Variants in GSTCD observed in about 807,000 individuals in gnomAD.
GSTCD encodes the protein glutathione S-transferase C-terminal domain containing.
A neutral mutation model predicts 68.3 loss-of-function variants in GSTCD; 44 were observed. The observed-to-expected ratio is 0.64, with a 90% confidence interval of 0.51 to 0.83. GSTCD has a LOEUF of 0.83. Ranked by LOEUF, GSTCD falls within the 40% of genes least tolerant of loss-of-function variation. GSTCD has a pLI of 0.00. For synonymous variants in GSTCD, 273 were observed against 255.2 expected, an observed-to-expected ratio of 1.07 and a Z score of -0.67; for missense variants, 739 against 735.9, an observed-to-expected ratio of 1.00 and a Z score of -0.05.
At chr4:105,725,025 G>T (rs78593046) in intron 3 of GSTCD, among the ~76,000 whole-genome samples, 3,485 of 151,996 alleles carry the variant, frequency 0.023, 44 homozygotes, top group Middle Eastern at 0.051. Flanking sequence ...TTATAGAGGA[G>T]TTCTTAGAGA....
chr4:105,802,975 C>T (rs1162355868), intron 5 of GSTCD, among the ~76,000 whole-genome samples: 5 of 152,090 alleles, frequency 3.3e-5, no homozygotes, highest in East Asian at 1.9e-4. Flanking sequence ...AAGCAACTTA[C>T]ATTTACTGAA....
chr4:105,715,842 C>T (rs983048235), intron 1 of GSTCD, among the ~76,000 whole-genome samples: 9 of 151,770 alleles, frequency 5.9e-5, no homozygotes, highest in South Asian at 4.1e-4. Context: ...GTTTCTGGTA[C>T]GTATTTCCAT....
chr4:105,719,345 G>A lies in GSTCD; in HGVS notation c.712G>A (p.Glu238Lys), dbSNP rs202238798. 2.6e-4 allele frequency: 413 copies of A among 1,614,010 alleles called. No individual in the cohort carries two copies. Among genetic ancestry groups the A allele is most frequent in the Non-Finnish European group, 3.2e-4 (373 of 1,180,002 alleles). ...EGLDSSSKSL[E>K]LKVAFSKLTV... ...GTTGGATTCTTCATCCAAGAGTCTG[G>A]AACTGAAAGTGGCATTCTCAAAGCT... is the stretch of plus-strand genomic sequence containing the variant. The change falls in exon 3 of 12, where the codon GAA (glutamate) becomes AAA (lysine). Residue 238 changes from glutamate to lysine, a missense_variant. By Grantham distance (56) the Glu-to-Lys change is moderately conservative (BLOSUM62 1). Coordinates refer to ENST00000515279, the MANE Select transcript of GSTCD (RefSeq NM_001370181.1).
intron 5 of GSTCD, among the ~76,000 whole-genome samples, chr4:105,818,657 A>G (rs950934606): frequency 2.6e-5 from 4 of 151,810 alleles, no homozygotes; most frequent in Middle Eastern, 3.2e-3. Flanking sequence ...GACTTTAGTA[A>G]TATACTGAGG....
intron 5 of GSTCD, among the ~76,000 whole-genome samples, chr4:105,797,401 T>C: frequency 6.6e-6 from 1 of 152,224 alleles, no homozygotes. Flanking sequence ...ACATGCATTT[T>C]TTGGTTTGCC....
chr4:105,735,504 G>A (rs571582944), intron 5 of GSTCD, among the ~76,000 whole-genome samples: 48 of 152,322 alleles, frequency 3.2e-4, no homozygotes, highest in African/African-American at 9.6e-4. Context: ...CTGGTGTGCC[G>A]TTTGCTAAGA....
chr4:105,836,527 T>A (rs538978007), intron 9 of GSTCD, among the ~76,000 whole-genome samples: 1 of 152,232 alleles, frequency 6.6e-6, no homozygotes, highest in African/African-American at 2.4e-5. Context: ...GCACCCAGGC[T>A]GTTTGTGCCA....
At chr4:105,762,733 C>T (rs934226380) in intron 5 of GSTCD, among the ~76,000 whole-genome samples, 1 of 152,172 alleles carries the variant, frequency 6.6e-6, no homozygotes, top group Non-Finnish European at 1.5e-5. Flanking sequence ...TTGATTCATG[C>T]TTTTCTTTCA....
chr4:105,838,343 C>T (rs770822917), intron 10 of GSTCD, among the ~76,000 whole-genome samples: 47 of 152,138 alleles, frequency 3.1e-4, no homozygotes, highest in African/African-American at 1.0e-3. Context: ...ACTCTGTAAA[C>T]GTGCTTGAAA....
At chr4:105,727,589 A>G (rs967723263) in intron 4 of GSTCD, among the ~76,000 whole-genome samples, 1 of 151,362 alleles carries the variant, frequency 6.6e-6, no homozygotes, top group Non-Finnish European at 1.5e-5. Flanking sequence ...TTTTGTTTAA[A>G]TTTGTAATTT....
At chr4:105,780,991 A>T (rs1462096630) in intron 5 of GSTCD, among the ~76,000 whole-genome samples, 1 of 152,164 alleles carries the variant, frequency 6.6e-6, no homozygotes, top group Non-Finnish European at 1.5e-5. Context: ...TATCCTAGCT[A>T]CTTAATCTCA....
At chr4:105,837,490 G>A (rs1487481013) in intron 9 of GSTCD, among the ~76,000 whole-genome samples, 3 of 152,152 alleles carry the variant, frequency 2.0e-5, no homozygotes, top group Non-Finnish European at 4.4e-5. Flanking sequence ...TTGGGGAACT[G>A]TGAGTAATAA....
intron 9 of GSTCD, among the ~76,000 whole-genome samples, chr4:105,837,325 G>C (rs1724163701): frequency 6.6e-6 from 1 of 152,088 alleles, no homozygotes; most frequent in Non-Finnish European, 1.5e-5. Context: ...TATCAAACAA[G>C]TAGGAACGGC....
chr4:105,768,498 A>G (rs746680699), intron 5 of GSTCD, among the ~76,000 whole-genome samples: 1 of 152,168 alleles, frequency 6.6e-6, no homozygotes, highest in African/African-American at 2.4e-5. Flanking sequence ...ATTTTCTTAC[A>G]TATTCACTAA....
At chr4:105,745,823 A>G (rs1733783110) in intron 5 of GSTCD, among the ~76,000 whole-genome samples, 1 of 152,224 alleles carries the variant, frequency 6.6e-6, no homozygotes, top group Admixed American at 6.5e-5. Context: ...AGACAAAAAG[A>G]TAGGTGCTTA....
At chr4:105,819,261 T>C (rs1306202133) in intron 5 of GSTCD, among the ~76,000 whole-genome samples, 1 of 151,826 alleles carries the variant, frequency 6.6e-6, no homozygotes, top group Non-Finnish European at 1.5e-5. Context: ...ATATGTCATA[T>C]TGTTCTTGGT....
In GSTCD at chr4:105,719,256, T is replaced by C. The variant is rs771464345; in HGVS notation, c.623T>C (p.Val208Ala). The C allele has an allele frequency of 2.5e-6, 4 of 1,613,894 alleles. No homozygotes were observed. The Admixed American group carries it at 6.7e-5, about 27-fold the overall frequency. ...CTCAAGCAACAGAAGGCTGATGGAG[T>C]TGGGCCTCCCCTTACTAAGGGAAAG... ...QKLKQQKADG[V>A]GPPLTKGKAK... Residue 208 changes from valine (V) to alanine (A), a missense_variant, in exon 3 of 12, where the codon GTT becomes GCT. Coordinates refer to ENST00000515279, the MANE Select transcript of GSTCD (RefSeq NM_001370181.1).
At chr4:105,836,477 G>T (rs1724124444) in intron 9 of GSTCD, among the ~76,000 whole-genome samples, 1 of 152,154 alleles carries the variant, frequency 6.6e-6, no homozygotes, top group African/African-American at 2.4e-5. Flanking sequence ...GAGCCTGTCT[G>T]CCTCCTGTTG....
chr4:105,783,632 C>T (rs1735361504), intron 5 of GSTCD, among the ~76,000 whole-genome samples: 1 of 152,002 alleles, frequency 6.6e-6, no homozygotes, highest in Admixed American at 6.6e-5. Flanking sequence ...GAGTTGTAGG[C>T]ACTGCACCCG....
Sources: allele counts gnomAD v4.1 joint callset (sites outside exome capture counted in the v4.1 genomes callset), GRCh38; gene constraint gnomAD v4.1.1; transcripts MANE v1.5; gene names NCBI Gene and HGNC (gene_info 2026-07-23, HGNC 2026-07-21).